The following CHD9 variants were observed in gnomAD, a reference collection of about 807,000 sequenced individuals.
CHD9 encodes the protein chromodomain helicase DNA binding protein 9, also known as ATP-dependent chromatin remodeler CHD9.
In CHD9, 77 loss-of-function variants were observed where a neutral mutation model predicts 316.1. The ratio of observed to expected loss-of-function variants is 0.24; its 90% CI spans 0.20 to 0.29. CHD9 has a LOEUF of 0.29. CHD9 is among the 10% of genes least tolerant of loss of function. CHD9 has a pLI of 1.00. For missense variants in CHD9, 2,763 were observed against 3,438.1 expected, an observed-to-expected ratio of 0.80 and a Z score of 4.91; for synonymous variants, 1,129 against 1,158.3, an observed-to-expected ratio of 0.97 and a Z score of 0.51.
intron 1 of CHD9, among the ~76,000 whole-genome samples, chr16:53,133,801 A>G (rs2039514155): frequency 6.6e-6 from 1 of 152,218 alleles, no homozygotes; most frequent in Non-Finnish European, 1.5e-5. Context: ...CAAACTTCTT[A>G]TCTAATGCAA....
intron 2 of CHD9, among the ~76,000 whole-genome samples, chr16:53,193,167 C>T (rs551989864): frequency 2.0e-5 from 3 of 152,084 alleles, no homozygotes; most frequent in African/African-American, 7.2e-5. Flanking sequence ...TTTAACCATC[C>T]GGCCGGGCAC....
At chr16:53,209,460 A>G in intron 2 of CHD9, 22 bp from the exon 3 acceptor site, 1 of 1,506,582 alleles carries the variant, frequency 6.6e-7, no homozygotes. Flanking sequence ...ATATTCTATA[A>G]AAAATATTTT....
chr16:53,266,932 T>C (rs915316347), intron 20 of CHD9, among the ~76,000 whole-genome samples: 3 of 152,216 alleles, frequency 2.0e-5, no homozygotes, highest in Non-Finnish European at 4.4e-5. Flanking sequence ...AAAGATTTAC[T>C]TTAGCATTAT....
At chr16:53,092,756 C>T (rs1333990435) in intron 1 of CHD9, among the ~76,000 whole-genome samples, 1 of 151,998 alleles carries the variant, frequency 6.6e-6, no homozygotes, top group Non-Finnish European at 1.5e-5. Flanking sequence ...CCAGAGGCAC[C>T]TGCACCTTTA....
Position 53,286,210 on chromosome 16 carries a change from T to C in CHD9, c.5072-16T>C, listed in dbSNP as rs1402234339. Reference sequence around the variant, plus strand: ...CTTTTTATCTTTTTTACTTTTGTAATTGGTGATGTTTTCAGGATATGAAAA... The same window carrying C: ...CTTTTTATCTTTTTTACTTTTGTAACTGGTGATGTTTTCAGGATATGAAAA... On this transcript the variant is annotated splice_polypyrimidine_tract_variant and intron_variant, in intron 25 of 38. Coordinates refer to ENST00000447540, the MANE Select transcript of CHD9 (RefSeq NM_001308319.2). The C allele has an allele frequency of 2.4e-5, 34 of 1,418,798 alleles. No homozygotes were observed. The highest frequency in any genetic ancestry group is 3.3e-5 in the Non-Finnish European group (33 of 1,004,258). The allele number at this position is 1,418,798 out of a possible 1,614,324, so 87.9% of individuals were successfully genotyped here. A position where few individuals can be genotyped will look rare whatever the true frequency, so the allele number is the denominator to read the frequency against.
intron 1 of CHD9, among the ~76,000 whole-genome samples, chr16:53,103,190 GT>G (rs71143966): frequency 6.4e-5 from 9 of 140,228 alleles, no homozygotes; most frequent in East Asian, 6.3e-4. Flanking sequence ...GATTTTATTT[GT>G]TTTTTTTTTC....
At chr16:53,323,969 CTT>C in intron 38 of CHD9, 49 bp from the exon 39 acceptor site, 4 of 1,440,622 alleles carry the variant, frequency 2.8e-6, no homozygotes, top group Non-Finnish European at 1.9e-6. Flanking sequence ...GCTAATAACT[CTT>C]TATTTTATTT....
intron 36 of CHD9, 21 bp downstream of exon 36, chr16:53,315,065 C>T: frequency 6.5e-7 from 1 of 1,539,954 alleles, no homozygotes; most frequent in Non-Finnish European, 8.9e-7. Context: ...CCTTAAAATT[C>T]TTGTTATATT....
At chr16:53,286,436 G>T in intron 26 of CHD9, 93 bp downstream of exon 26, 1 of 682,326 alleles carries the variant, frequency 1.5e-6, no homozygotes, top group Non-Finnish European at 2.5e-6. Flanking sequence ...TTTAAATGAG[G>T]TAGCAGTAAG....
At chr16:53,284,319 C>T (rs2053666696) in intron 24 of CHD9, among the ~76,000 whole-genome samples, 1 of 151,352 alleles carries the variant, frequency 6.6e-6, no homozygotes, top group Non-Finnish European at 1.5e-5. Flanking sequence ...CAATCTCTAT[C>T]CATTGTCAAA....
chr16:53,253,633 A>G (rs1055741937), intron 17 of CHD9, among the ~76,000 whole-genome samples: 1 of 152,194 alleles, frequency 6.6e-6, no homozygotes, highest in Non-Finnish European at 1.5e-5. Context: ...AAGATTGTTG[A>G]TAATGTAATT....
intron 1 of CHD9, among the ~76,000 whole-genome samples, chr16:53,134,163 G>A (rs1343437342): frequency 4.6e-5 from 7 of 152,102 alleles, no homozygotes; most frequent in Admixed American, 2.0e-4. Flanking sequence ...AAAAAACACA[G>A]GTAAGAATAT....
intron 2 of CHD9, among the ~76,000 whole-genome samples, chr16:53,200,370 CAAAAA>C (rs60076527): frequency 1.1e-5 from 1 of 88,270 alleles, no homozygotes; most frequent in Admixed American, 1.4e-4. Context: ...TACTCTGTCT[CAAAAA>C]AAAAAAAAAA....
At chr16:53,097,086 A>G (rs1261765982) in intron 1 of CHD9, among the ~76,000 whole-genome samples, 1 of 152,142 alleles carries the variant, frequency 6.6e-6, no homozygotes, top group African/African-American at 2.4e-5. Context: ...TAGAGGAGAC[A>G]AATATTCAAC....
At chr16:53,170,039 G>GTT (rs11434728) in intron 2 of CHD9, among the ~76,000 whole-genome samples, 157 of 145,984 alleles carry the variant, frequency 1.1e-3, no homozygotes, top group African/African-American at 3.8e-3. Flanking sequence ...AGGTTAAGCA[G>GTT]TTTTTTTTTG....
intron 3 of CHD9, among the ~76,000 whole-genome samples, chr16:53,216,090 C>T (rs1032211168): frequency 3.3e-5 from 5 of 152,066 alleles, no homozygotes; most frequent in African/African-American, 1.2e-4. Context: ...TTAATATATT[C>T]TGTATCACTT....
At chr16:53,259,054 G>A (rs1024594632) in intron 19 of CHD9, among the ~76,000 whole-genome samples, 6 of 152,118 alleles carry the variant, frequency 3.9e-5, no homozygotes, top group South Asian at 2.1e-4. Context: ...ATTTAATGGC[G>A]GAAGGAATGC....
intron 4 of CHD9, among the ~76,000 whole-genome samples, chr16:53,224,231 C>T (rs972185330): frequency 6.6e-6 from 1 of 152,066 alleles, no homozygotes; most frequent in African/African-American, 2.4e-5. Flanking sequence ...CTTTAAAAAA[C>T]ATTATGGAAA....
At chr16:53,093,306 A>G (rs140443279) in intron 1 of CHD9, among the ~76,000 whole-genome samples, 6 of 152,342 alleles carry the variant, frequency 3.9e-5, no homozygotes, top group African/African-American at 1.2e-4. Context: ...CATCTGCAGA[A>G]TGTGAATAAC....
Sources: allele counts gnomAD v4.1 joint callset (sites outside exome capture counted in the v4.1 genomes callset), GRCh38; gene constraint gnomAD v4.1.1; transcripts MANE v1.5; gene names NCBI Gene and HGNC (gene_info 2026-07-23, HGNC 2026-07-21).